CNTN5: variants seen among roughly 807,000 people sequenced by gnomAD.
CNTN5 encodes the protein contactin-5.
CNTN5 carries 77 observed loss-of-function variants against 129.1 expected under a neutral mutation model. The ratio of observed to expected loss-of-function variants is 0.60; its 90% CI spans 0.50 to 0.72. The LOEUF is 0.72. Among genes scored for constraint, CNTN5 ranks in the 30% least tolerant of loss-of-function variants. The pLI is 0.00. For synonymous variants in CNTN5, 509 were observed against 465.6 expected (o/e 1.09, Z -1.20); for missense variants, 1,478 against 1,328.8 (o/e 1.11, Z -1.75).
At chr11:100,276,351 C>T (rs1269900375) in intron 18 of CNTN5, among the ~76,000 whole-genome samples, 1 of 151,982 alleles carries the variant, frequency 6.6e-6, no homozygotes, top group East Asian at 1.9e-4. Context: ...ACCAGCCTGG[C>T]CAACATGGCA....
At position 99,923,557 on chromosome 11, in the gene CNTN5, T is replaced by C. The variant is rs554926091; in HGVS notation, c.673+7408T>C. 5.9e-5 allele frequency among the ~76,000 whole-genome samples: 9 copies of C among 152,330 alleles called. No individual in the cohort carries two copies. The South Asian group carries it at 1.9e-3, about 32-fold the overall frequency. On this transcript the variant is annotated intron_variant, in intron 7 of 24. Transcript: ENST00000524871. ...GTACAGAAATATTCAAAAGCTTACG[T>C]TGAAGTGGTTTATTTACTTTGGGGT...
rs957112183 is a variant in CNTN5, at chr11:99,848,643, T to C, written c.577+3381T>C. 6.6e-5 allele frequency among the ~76,000 whole-genome samples: 10 copies of C among 152,292 alleles called. No homozygotes were observed. The East Asian group carries it at 1.9e-3, about 29-fold the overall frequency. ...TGATACAGTACTTATAATTCCACTT[T>C]GTAGCTATTCTTGAGGCATATTTGC... On this transcript the variant is annotated intron_variant, in intron 6 of 24. Coordinates refer to ENST00000524871, the MANE Select transcript of CNTN5 (RefSeq NM_014361.4).
intron 2 of CNTN5, among the ~76,000 whole-genome samples, chr11:99,439,412 A>G (rs759989804): frequency 5.9e-5 from 9 of 152,130 alleles, no homozygotes; most frequent in Non-Finnish European, 1.3e-4. Context: ...AATACTTAGC[A>G]TTTAGAAATA....
intron 3 of CNTN5, among the ~76,000 whole-genome samples, chr11:99,621,885 C>T (rs931646229): frequency 1.3e-5 from 2 of 152,172 alleles, no homozygotes; most frequent in South Asian, 2.1e-4. Context: ...GGTTCTATAG[C>T]ATGCCTTTAA....
chr11:100,049,699 G>T (rs1353789680), intron 9 of CNTN5, among the ~76,000 whole-genome samples: 1 of 152,074 alleles, frequency 6.6e-6, no homozygotes, highest in Non-Finnish European at 1.5e-5. Flanking sequence ...CCTACAAAAT[G>T]GGAGAAAATT....
At chr11:99,132,972 A>T in intron 1 of CNTN5, among the ~76,000 whole-genome samples, 1 of 152,190 alleles carries the variant, frequency 6.6e-6, no homozygotes, top group East Asian at 1.9e-4. Flanking sequence ...AAAAGAACAA[A>T]GCTGGAGGCA....
At chr11:99,427,250 A>G (rs1591037190) in intron 2 of CNTN5, among the ~76,000 whole-genome samples, 1 of 152,348 alleles carries the variant, frequency 6.6e-6, no homozygotes, top group East Asian at 1.9e-4. Flanking sequence ...AGAAAAGCCA[A>G]GAGTACAGAA....
intron 3 of CNTN5, among the ~76,000 whole-genome samples, chr11:99,621,440 T>C (rs547343917): frequency 6.6e-6 from 1 of 152,300 alleles, no homozygotes; most frequent in Non-Finnish European, 1.5e-5. Context: ...TAAAGTGAAT[T>C]ACTGTATAGA....
chr11:99,122,394 A>C (rs1858387816), intron 1 of CNTN5, among the ~76,000 whole-genome samples: 1 of 152,148 alleles, frequency 6.6e-6, no homozygotes. Flanking sequence ...TAAAAATATT[A>C]AAATAGATGA....
intron 7 of CNTN5, among the ~76,000 whole-genome samples, chr11:99,945,141 A>G (rs1240776510): frequency 6.6e-6 from 1 of 152,110 alleles, no homozygotes; most frequent in Non-Finnish European, 1.5e-5. Context: ...AAATTCCATG[A>G]CAGAGTTCCA....
intron 2 of CNTN5, among the ~76,000 whole-genome samples, chr11:99,357,456 A>C (rs1382385789): frequency 6.6e-6 from 1 of 151,692 alleles, no homozygotes; most frequent in East Asian, 1.9e-4. Flanking sequence ...ACTCCTTTGC[A>C]AGCTTGAAAA....
chr11:99,934,918 A>G (rs1170549369), intron 7 of CNTN5, among the ~76,000 whole-genome samples: 8,053 of 31,704 alleles, frequency 0.25, 559 homozygotes, highest in Admixed American at 0.35. Context: ...ATATATATAT[A>G]TATATATATA....
At chr11:99,847,964 G>A (rs533769711) in intron 6 of CNTN5, among the ~76,000 whole-genome samples, 20 of 152,326 alleles carry the variant, frequency 1.3e-4, no homozygotes, top group African/African-American at 4.8e-4. Flanking sequence ...CATAACCCCA[G>A]CATTTTGGGC....
At chr11:99,024,570 C>A (rs1017683754) in intron 1 of CNTN5, among the ~76,000 whole-genome samples, 1 of 151,952 alleles carries the variant, frequency 6.6e-6, no homozygotes, top group African/African-American at 2.4e-5. Flanking sequence ...AATTTTATGT[C>A]TATTAATCCC....
chr11:100,162,213 C>T (rs1277739996), intron 13 of CNTN5, among the ~76,000 whole-genome samples: 4 of 151,730 alleles, frequency 2.6e-5, no homozygotes, highest in African/African-American at 7.3e-5. Context: ...ATGAACTAAC[C>T]GCGATAAAGA....
rs978843027 is a variant in CNTN5 at position 100,070,601 on chromosome 11, G to C, written c.1299+41G>C. 3.7e-6 allele frequency: 6 copies of C among 1,601,428 alleles called. No individual in the cohort carries two copies. The African/African-American group carries it at 8.0e-5, about 21-fold the overall frequency. ...ATTAACCTGTTCTGCTGTAATTTTA[G>C]CGAGATTTCACACAGGACAAACTAG... On this transcript the variant is annotated intron_variant, in intron 11 of 24. Coordinates refer to ENST00000524871, the MANE Select transcript of CNTN5 (RefSeq NM_014361.4).
At chr11:100,248,577 G>A (rs1949896766) in intron 16 of CNTN5, among the ~76,000 whole-genome samples, 1 of 151,840 alleles carries the variant, frequency 6.6e-6, no homozygotes, top group Non-Finnish European at 1.5e-5. Flanking sequence ...AAAAAAGCAG[G>A]AAAGTCCTTA....
intron 13 of CNTN5, among the ~76,000 whole-genome samples, chr11:100,132,956 C>T (rs972419246): frequency 6.6e-5 from 10 of 151,964 alleles, no homozygotes; most frequent in African/African-American, 2.4e-4. Flanking sequence ...TTTAGTATTA[C>T]TCTATAGGAT....
chr11:99,136,844 C>T (rs1257997267), intron 1 of CNTN5, among the ~76,000 whole-genome samples: 2 of 151,858 alleles, frequency 1.3e-5, no homozygotes, highest in African/African-American at 4.8e-5. Context: ...TGGCAGACAC[C>T]AAGATCATGT....
Sources: allele counts gnomAD v4.1 joint callset (sites outside exome capture counted in the v4.1 genomes callset), GRCh38; gene constraint gnomAD v4.1.1; transcripts MANE v1.5; gene names NCBI Gene and HGNC (gene_info 2026-07-23, HGNC 2026-07-21).